SRSF11: variants seen among roughly 807,000 people sequenced by gnomAD.
SRSF11 encodes the protein serine/arginine-rich splicing factor 11.
SRSF11 carries 9 observed loss-of-function variants against 56.0 expected under a neutral mutation model. The ratio of observed to expected loss-of-function variants is 0.16; its 90% CI spans 0.10 to 0.28. The LOEUF is 0.28. Among genes scored for constraint, SRSF11 ranks in the 10% least tolerant of loss-of-function variants. The pLI, the probability that SRSF11 is intolerant of heterozygous loss-of-function variation, is 1.00. For missense variants in SRSF11, 421 were observed against 600.7 expected (o/e 0.70, Z 3.13); for synonymous variants, 222 against 215.3 (o/e 1.03, Z -0.27).
At chr1:70,219,165 A>G (rs1392939207), upstream of SRSF11, among the ~76,000 whole-genome samples, 1 of 152,188 alleles carries the variant, frequency 6.6e-6, no homozygotes, top group Non-Finnish European at 1.5e-5. Flanking sequence ...ATCTTTTTTA[A>G]AAATCCAAAA....
intron 5 of SRSF11, among the ~76,000 whole-genome samples, chr1:70,236,242 A>G (rs558267288): frequency 2.0e-5 from 3 of 151,838 alleles, no homozygotes; most frequent in Admixed American, 6.6e-5. Context: ...AGCTTCCTAT[A>G]TACCCATTAT....
Position 70,231,966 on chromosome 1 carries a change from T to C in SRSF11, c.338-302T>C. ...TTACGTTTGGTTCATGACTTAAAAA[T>C]CGAGTACAGGTGATGAAATCTTGGC... is the stretch of plus-strand genomic sequence containing the variant. On this transcript the variant is annotated intron_variant, in intron 2 of 11. Transcript: ENST00000370949. 6.5e-6 allele frequency: 10 copies of C among 1,530,636 alleles called. No individual in the cohort carries two copies. In the South Asian group the frequency reaches 1.1e-4, roughly 17 times the overall value. 94.8% of individuals were successfully genotyped at this position (1,530,636 alleles called of 1,614,324 possible). A position where few individuals can be genotyped will look rare whatever the true frequency, so the allele number is the denominator to read the frequency against.
At position 70,232,356 on chromosome 1, in the gene SRSF11, T is replaced by A. The variant is rs1672993837; in HGVS notation, c.426T>A (p.Pro142=). The A allele has an allele frequency of 5.6e-6, 9 of 1,613,934 alleles. No homozygotes were observed. Among genetic ancestry groups the A allele is most frequent in the Non-Finnish European group, 7.6e-6 (9 of 1,179,954 alleles). ...AGLLPGGGLL[P]TPNPLTQIGA... Reference sequence around the variant, plus strand: ...TTCTGCCTGGTGGTGGACTCCTGCCTACTCCTAACCCACTTACCCAGGTAC... The same window carrying A: ...TTCTGCCTGGTGGTGGACTCCTGCCAACTCCTAACCCACTTACCCAGGTAC... The change falls in exon 3 of 12, where the codon CCT becomes CCA. Residue 142 remains proline (P), a synonymous_variant. Transcript: ENST00000370949.
At chr1:70,230,602 C>T (rs1232233602) in intron 2 of SRSF11, 32 of 1,284,994 alleles carry the variant, frequency 2.5e-5, no homozygotes, top group South Asian at 7.5e-5. Flanking sequence ...ATACTCTTGA[C>T]GCATGAAAAT....
At position 70,234,581 on chromosome 1, in the gene SRSF11, C is replaced by T. The variant is rs1333958481; in HGVS notation, c.448-115C>T. ...GTACAACTGAGGAGTTGTACGGAGA[C>T]CATGTAGCCTGAAAACTCAAGTTGT... On this transcript the variant is annotated intron_variant, in intron 3 of 11. Transcript: ENST00000370949. 1.8e-5 allele frequency: 13 copies of T among 735,208 alleles called. No individual in the cohort carries two copies. The East Asian group carries it at 3.4e-4, about 19-fold the overall frequency. 45.5% of individuals were successfully genotyped at this position (735,208 alleles called of 1,614,324 possible). A position where few individuals can be genotyped will look rare whatever the true frequency, so the allele number is the denominator to read the frequency against.
rs144426272 is a variant in SRSF11 at position 70,224,536 on chromosome 1, CCA to C, written c.203+2701_203+2702del. Among the ~76,000 whole-genome samples, 1,009 of 152,244 alleles carry C rather than the reference CCA, an allele frequency of 6.6e-3. 13 individuals carry two copies. The highest frequency in any genetic ancestry group is 0.023 in the African/African-American group (940 of 41,544). On this transcript the variant is annotated intron_variant, in intron 1 of 11. Coordinates refer to ENST00000370949, the MANE Select transcript of SRSF11 (RefSeq NM_001350605.2). The stretch of plus-strand genomic sequence containing the variant: ...AAATACATGTATGACTGAACCTCAC[CCA>C]CACCTACTGAAGCTCTTCATTTCGG...
Position 70,241,068 on chromosome 1 carries a change from G to A in SRSF11, c.800+1548G>A, listed in dbSNP as rs1489816781. 2.6e-5 allele frequency among the ~76,000 whole-genome samples: 4 copies of A among 152,038 alleles called. 1 individual carries two copies. The highest frequency in any genetic ancestry group is 6.6e-5 in the Admixed American group (1 of 15,256). Reference sequence around the variant, plus strand: ...ATTACAGGTGTGAGCCACCATGCCCGGCCATTCACCACTTGACTCTTAAAC... The same window carrying A: ...ATTACAGGTGTGAGCCACCATGCCCAGCCATTCACCACTTGACTCTTAAAC... On this transcript the variant is annotated intron_variant, in intron 7 of 11. Transcript: ENST00000370949.
At chr1:70,244,623 C>G (rs1183879060) in intron 7 of SRSF11, 61 bp from the exon 8 acceptor site, 2 of 1,554,304 alleles carry the variant, frequency 1.3e-6, no homozygotes, top group African/African-American at 2.7e-5. Flanking sequence ...TGATACTAAG[C>G]ACAAAATTTA....
At chr1:70,229,605 T>A (rs1672482981) in intron 2 of SRSF11, 1 of 983,354 alleles carries the variant, frequency 1.0e-6, no homozygotes, top group African/African-American at 1.7e-5. Flanking sequence ...TTTAATATGC[T>A]GACCAGGATT....
upstream of SRSF11, chr1:70,218,954 A>G (rs192950864): frequency 7.9e-5 from 12 of 152,354 alleles, no homozygotes; most frequent in African/African-American, 2.9e-4. Flanking sequence ...AATACAGTAT[A>G]AAAGCTATTT....
chr1:70,206,960 G>T (rs988396023), intron 1 of SRSF11, among the ~76,000 whole-genome samples: 1 of 146,766 alleles, frequency 6.8e-6, no homozygotes, highest in African/African-American at 2.5e-5. Context: ...GCGTGATCCC[G>T]GCTCACTGCA....
intron 1 of SRSF11, 134 bp from the exon 2 acceptor site, chr1:70,228,279 ATGTTTTCTT>A: frequency 1.7e-6 from 1 of 587,934 alleles, no homozygotes; most frequent in East Asian, 2.9e-5. Flanking sequence ...ATGATTGAGA[ATGTTTTCTT>A]TTGAATTTAA....
At chr1:70,207,019 T>C (rs928381927) in intron 1 of SRSF11, among the ~76,000 whole-genome samples, 2 of 151,666 alleles carry the variant, frequency 1.3e-5, no homozygotes, top group African/African-American at 4.8e-5. Context: ...GCCTCTCCAG[T>C]AGCTGGGATT....
At chr1:70,214,559 T>C (rs748457853) in intron 1 of SRSF11, among the ~76,000 whole-genome samples, 2 of 152,196 alleles carry the variant, frequency 1.3e-5, no homozygotes, top group Non-Finnish European at 2.9e-5. Flanking sequence ...CCCTGCTCTG[T>C]CAATTTAAAA....
chr1:70,246,981 A>T (rs962791894), intron 9 of SRSF11, 74 bp downstream of exon 9: 45 of 1,295,664 alleles, frequency 3.5e-5, no homozygotes, highest in Non-Finnish European at 4.5e-5. Context: ...CGCTGTCAGT[A>T]TGAAGTCTTT....
chr1:70,209,711 A>G (rs977961022), intron 1 of SRSF11, among the ~76,000 whole-genome samples: 2 of 140,452 alleles, frequency 1.4e-5, no homozygotes, highest in Non-Finnish European at 3.0e-5. Flanking sequence ...TCAGCCTCAC[A>G]ACTAGCTGGG....
At chr1:70,208,013 T>A (rs1669213593) in intron 1 of SRSF11, among the ~76,000 whole-genome samples, 1 of 152,082 alleles carries the variant, frequency 6.6e-6, no homozygotes, top group African/African-American at 2.4e-5. Context: ...CAAGCAATCC[T>A]TCTATCTGGG....
chr1:70,217,251 C>T (rs1670093711), upstream of SRSF11, among the ~76,000 whole-genome samples: 1 of 152,072 alleles, frequency 6.6e-6, no homozygotes, highest in Non-Finnish European at 1.5e-5. Context: ...CTCCGCCTCC[C>T]AGGTTCAAGC....
At position 70,237,422 on chromosome 1, in the gene SRSF11, C is replaced by T; in HGVS notation, c.591-3C>T. 1.2e-6 allele frequency: 2 copies of T among 1,612,316 alleles called. No homozygotes were observed. The highest frequency in any genetic ancestry group is 1.1e-5 in the South Asian group (1 of 90,550). ...CAGATCCCATTTCTTGGTTCTGTTT[C>T]AGGTTGAATCATGTAGCTGCTGGTC... On this transcript the variant is annotated splice_region_variant and splice_polypyrimidine_tract_variant and intron_variant, in intron 5 of 11. Transcript: ENST00000370949.
Sources: gnomAD v4.1 joint callset for allele counts (sites outside exome capture counted in the v4.1 genomes callset) on GRCh38, gnomAD v4.1.1 for gene constraint, MANE v1.5 for transcripts, NCBI Gene and HGNC (gene_info 2026-07-23, HGNC 2026-07-21) for gene names.